Variants in HEATR5A observed in about 807,000 individuals in gnomAD.
HEATR5A encodes HEAT repeat containing 5A.
In HEATR5A, 178 loss-of-function variants were observed where a neutral mutation model predicts 218.8. The ratio of observed to expected loss-of-function variants is 0.81; its 90% CI spans 0.72 to 0.92. HEATR5A has a LOEUF of 0.92. HEATR5A is among the 40% of genes least tolerant of loss of function. The probability of loss-of-function intolerance (pLI) is 0.00; values close to 1 mark genes in which losing one functional copy is unlikely to be tolerated. For synonymous variants in HEATR5A, 864 were observed against 871.6 expected, an observed-to-expected ratio of 0.99 and a Z score of 0.15; for missense variants, 2,420 against 2,418.9, an observed-to-expected ratio of 1.00 and a Z score of -0.01.
Position 31,349,861 on chromosome 14 carries a change from G to A in HEATR5A, c.2636C>T (p.Ser879Leu), listed in dbSNP as rs1317195494. ...TACCACTTGGGCTAATCTAGCCCAT[G>A]ACTCTGCAGCTGCACATCTCAGCAA... ...NPLLRCAAAESWARLAQVVDD... is the reference protein window; with the variant it reads ...NPLLRCAAAELWARLAQVVDD... The change falls in exon 18 of 36, where the codon TCA becomes TTA. Residue 879 changes from serine to leucine, a missense_variant. Coordinates refer to ENST00000543095, the MANE Select transcript of HEATR5A (RefSeq NM_015473.4). 3.7e-6 allele frequency: 6 copies of A among 1,612,570 alleles called. No homozygotes were observed. The highest frequency in any genetic ancestry group is 2.2e-5 in the South Asian group (2 of 90,968).
rs1394244814 is a variant in HEATR5A at position 31,400,309 on chromosome 14, G to A, written c.330C>T (p.Pro110=). The A allele has an allele frequency of 1.3e-6, 2 of 1,530,010 alleles. No homozygotes were observed. The highest frequency in any genetic ancestry group is 8.8e-7 in the Non-Finnish European group (1 of 1,141,986). The allele number at this position is 1,530,010 out of a possible 1,614,324, so 94.8% of individuals were successfully genotyped here. The part of the protein sequence containing the change: ...RSKDDSPSYL[P]TKLAAVVCLG... ...TTTAATGTTTCACTTACAGCTTAGTGGGAAGATAACTTGGAGAATCATCTT... is the reference window on the plus strand; with the variant it reads ...TTTAATGTTTCACTTACAGCTTAGTAGGAAGATAACTTGGAGAATCATCTT... The change falls in exon 3 of 36, where the codon CCC becomes CCT. Residue 110 remains proline, a synonymous_variant. Transcript: ENST00000543095.
rs531966499 is a variant in HEATR5A at position 31,358,678 on chromosome 14, C to T, written c.2370G>A (p.Lys790=). The T allele has an allele frequency of 2.5e-6, 4 of 1,613,878 alleles. No individual in the cohort carries two copies. In the African/African-American group the frequency reaches 5.3e-5, roughly 22 times the overall value. The change falls in exon 16 of 36, where the codon AAG becomes AAA. Residue 790 remains lysine (K), a synonymous_variant. Coordinates refer to ENST00000543095, the MANE Select transcript of HEATR5A (RefSeq NM_015473.4). ...CATGAGCGCATACAACCCCAAAGAG[C>T]TTGGATGCAGAACTAATAACTGATA... ...PALSVISSAS[K]LFGVVCAHVG... is the part of the protein sequence containing the mutation.
chr14:31,310,258 C>T (rs1206230561), intron 28 of HEATR5A, among the ~76,000 whole-genome samples: 1 of 152,108 alleles, frequency 6.6e-6, no homozygotes, highest in Non-Finnish European at 1.5e-5. Flanking sequence ...TGGCCCTGAA[C>T]TCCTGAGCTC....
Position 31,293,625 on chromosome 14 carries a change from C to CAAAT in HEATR5A, c.5834-17_5834-14dup. 1.9e-6 allele frequency: 3 copies of CAAAT among 1,583,010 alleles called. No homozygotes were observed. In the East Asian group the frequency reaches 6.7e-5, roughly 35 times the overall value. ...ACCAGCTGAGCGCCTAGAAAGTAAACAAATAATATAAGTTCAGTGACATAA... is the reference window on the plus strand; with the variant it reads ...ACCAGCTGAGCGCCTAGAAAGTAAACAAATAAATAATATAAGTTCAGTGACATAA... On this transcript the variant is annotated splice_polypyrimidine_tract_variant and intron_variant, in intron 35 of 35. Transcript: ENST00000543095.
intron 4 of HEATR5A, among the ~76,000 whole-genome samples, chr14:31,398,399 G>C (rs77647187): frequency 0.099 from 15,113 of 152,206 alleles, 918 homozygotes; most frequent in African/African-American, 0.17. Flanking sequence ...AGTAAGAGGA[G>C]AGAGTAGGGA....
Position 31,364,311 on chromosome 14 carries a change from GA to G in HEATR5A, c.1962-14del. On this transcript the variant is annotated splice_polypyrimidine_tract_variant and intron_variant, in intron 13 of 35. Coordinates refer to ENST00000543095, the MANE Select transcript of HEATR5A (RefSeq NM_015473.4). Reference sequence around the variant, plus strand: ...TATTGAAGAAAGCCTTAAAATAAAAGAAAAAGTGTATCTTAAGTGGTTAAGT... The same window carrying G: ...TATTGAAGAAAGCCTTAAAATAAAAGAAAAGTGTATCTTAAGTGGTTAAGT... 7.4e-7 allele frequency: 1 copy of G among 1,345,866 alleles called. No individual in the cohort carries two copies. Among genetic ancestry groups the G allele is most frequent in the Non-Finnish European group, 1.0e-6 (1 of 974,656 alleles). The allele number at this position is 1,345,866 out of a possible 1,614,324, so 83.4% of individuals were successfully genotyped here.
intron 13 of HEATR5A, among the ~76,000 whole-genome samples, chr14:31,371,129 G>A (rs117884393): frequency 0.024 from 3,722 of 152,134 alleles, 68 homozygotes; most frequent in Non-Finnish European, 0.038. Context: ...CCTATTATCC[G>A]TGACTGCTTT....
chr14:31,410,469 C>T (rs1313495510), intron 1 of HEATR5A, among the ~76,000 whole-genome samples: 2 of 152,182 alleles, frequency 1.3e-5, no homozygotes, highest in African/African-American at 2.4e-5. Context: ...CAAAATTATA[C>T]GTTACAAAAA....
chr14:31,339,086 C>T lies in HEATR5A; in HGVS notation c.3229-1472G>A, dbSNP rs1900756446. Among the ~76,000 whole-genome samples, 4 of 151,604 alleles carry T rather than the reference C, an allele frequency of 2.6e-5. 1 individual carries two copies. In the Middle Eastern group the frequency reaches 0.01, roughly 387 times the overall value. ...AGTGAGCCGAGATCACGCCTCTGCA[C>T]TCCAGCCTGGGCGACACAGACTGTG... is the stretch of plus-strand genomic sequence containing the variant. On this transcript the variant is annotated intron_variant, in intron 21 of 35. Coordinates refer to ENST00000543095, the MANE Select transcript of HEATR5A (RefSeq NM_015473.4).
chr14:31,410,489 A>C (rs1004332438), intron 1 of HEATR5A, among the ~76,000 whole-genome samples: 1 of 152,240 alleles, frequency 6.6e-6, no homozygotes, highest in African/African-American at 2.4e-5. Flanking sequence ...ACAGGAACTC[A>C]CCAGTTACAC....
intron 33 of HEATR5A, among the ~76,000 whole-genome samples, chr14:31,301,224 T>TA (rs1390289531): frequency 2.6e-5 from 4 of 152,138 alleles, no homozygotes; most frequent in Non-Finnish European, 5.9e-5. Context: ...AAAAACCTCA[T>TA]AAAAATAAGA....
At chr14:31,402,007 CTTT>C (rs1241990779) in intron 2 of HEATR5A, among the ~76,000 whole-genome samples, 2 of 151,574 alleles carry the variant, frequency 1.3e-5, no homozygotes, top group African/African-American at 4.9e-5. Flanking sequence ...AGAATTTTGT[CTTT>C]TGTTTTTTTT....
At chr14:31,319,915 G>C (rs1052795698) in intron 25 of HEATR5A, among the ~76,000 whole-genome samples, 6 of 151,972 alleles carry the variant, frequency 3.9e-5, no homozygotes, top group Non-Finnish European at 4.4e-5. Context: ...GCGTGGTGGC[G>C]TGTGGCTGTA....
intron 22 of HEATR5A, among the ~76,000 whole-genome samples, chr14:31,336,391 G>GCC (rs1566759191): frequency 6.6e-6 from 1 of 151,318 alleles, no homozygotes; most frequent in Non-Finnish European, 1.5e-5. Flanking sequence ...AGTGTGTCTG[G>GCC]CCCCCAGGGC....
At chr14:31,322,817 T>TAAA (rs376742735) in intron 24 of HEATR5A, among the ~76,000 whole-genome samples, 10 of 101,106 alleles carry the variant, frequency 9.9e-5, no homozygotes, top group Non-Finnish European at 1.6e-4. Flanking sequence ...AAATGCTGTC[T>TAAA]AAAAAAAAAA....
At position 31,321,597 on chromosome 14, in the gene HEATR5A, A is replaced by G; in HGVS notation, c.3871T>C (p.Ser1291Pro). 3 of 1,609,940 alleles carry G rather than the reference A, an allele frequency of 1.9e-6. No individual in the cohort carries two copies. Among genetic ancestry groups the G allele is most frequent in the Non-Finnish European group, 1.7e-6 (2 of 1,178,248 alleles). ...ACAACTAACAGCATTTCAAGGCCAG[A>G]AAGACGGAGCTGGTCACTGTGATCT... ...ATDHSDQLRL[S>P]GLEMLLVVIR... The change falls in exon 25 of 36, where the codon TCT (serine) becomes CCT (proline). Residue 1291 changes from serine to proline, a missense_variant. Ser to Pro is a moderately conservative substitution (Grantham distance 74). Transcript: ENST00000543095.
intron 2 of HEATR5A, 94 bp downstream of exon 2, chr14:31,402,756 A>G (rs929663307): frequency 1.7e-6 from 2 of 1,185,782 alleles, no homozygotes; most frequent in Middle Eastern, 2.3e-4. Context: ...TTGTAAAGCT[A>G]AATTAGGTTA....
At chr14:31,385,674 A>T (rs1249126626) in intron 9 of HEATR5A, among the ~76,000 whole-genome samples, 1 of 152,018 alleles carries the variant, frequency 6.6e-6, no homozygotes, top group East Asian at 1.9e-4. Context: ...TAGCAAATAT[A>T]CTCAAAATCC....
chr14:31,343,295 G>A (rs1397043925), intron 21 of HEATR5A, among the ~76,000 whole-genome samples: 1 of 152,136 alleles, frequency 6.6e-6, no homozygotes, highest in Non-Finnish European at 1.5e-5. Context: ...GTTTCACCAT[G>A]TTGGCCAGGC....
Sources: gnomAD v4.1 joint callset for allele counts (sites outside exome capture counted in the v4.1 genomes callset) on GRCh38, gnomAD v4.1.1 for gene constraint, MANE v1.5 for transcripts, NCBI Gene and HGNC (gene_info 2026-07-23, HGNC 2026-07-21) for gene names.